Variants in PLXNB3 observed in about 807,000 individuals in gnomAD.
PLXNB3 encodes plexin-B3.
In PLXNB3, 80 loss-of-function variants were observed where a neutral mutation model predicts 125.7. The ratio of observed to expected loss-of-function variants is 0.64; its 90% CI spans 0.53 to 0.77. PLXNB3 has a LOEUF of 0.77. PLXNB3 is among the 30% of genes least tolerant of loss of function. The probability of loss-of-function intolerance (pLI) is 0.00; values close to 1 mark genes in which losing one functional copy is unlikely to be tolerated. For missense variants in PLXNB3, 1,836 were observed against 1,729.3 expected (o/e 1.06, Z -1.09); for synonymous variants, 954 against 783.3 (o/e 1.22, Z -3.64).
rs1396799485 is a variant in PLXNB3 at position 153,773,799 on chromosome X, T to C, written c.3280-60T>C. ...GGAGGAGGGTAGGCCGCCATGCCCCTAGCAGCGCACAGCAGAGCCCAGCTC... is the reference window on the plus strand; with the variant it reads ...GGAGGAGGGTAGGCCGCCATGCCCCCAGCAGCGCACAGCAGAGCCCAGCTC... On this transcript the variant is annotated intron_variant, in intron 19 of 35. Transcript: ENST00000361971. The C allele has an allele frequency of 1.2e-5, 14 of 1,201,691 alleles. No homozygotes were observed. The South Asian group carries it at 2.3e-4, about 20-fold the overall frequency.
In PLXNB3 at chrX:153,777,192, G is replaced by A; in HGVS notation, c.4928-16G>A. The A allele has an allele frequency of 8.8e-7, 1 of 1,130,930 alleles. No homozygotes were observed. The allele number at this position is 1,130,930 out of a possible 1,213,427, so 93.2% of individuals were successfully genotyped here. On this transcript the variant is annotated splice_polypyrimidine_tract_variant and intron_variant, in intron 29 of 35. Coordinates refer to ENST00000361971, the MANE Select transcript of PLXNB3 (RefSeq NM_005393.3). ...GCAGGGGGTATAGCCCTGAAGCCAG[G>A]CTCCTGTGCCCTCAGACATACCCAC...
At position 153,768,941 on chromosome X, in the gene PLXNB3, C is replaced by A. The variant is rs113180001; in HGVS notation, c.1267-7C>A. On this transcript the variant is annotated splice_region_variant and splice_polypyrimidine_tract_variant and intron_variant, in intron 4 of 35. Transcript: ENST00000361971. The stretch of plus-strand genomic sequence containing the variant: ...TGGCCCAGCCTCGTCCTTGTCCCCC[C>A]ACTCAGGTCTTTCTCCACGGCTCCC... 4.7e-5 allele frequency: 57 copies of A among 1,208,289 alleles called. No homozygotes were observed. The highest frequency in any genetic ancestry group is 5.4e-5 in the Non-Finnish European group (48 of 893,996).
In PLXNB3 at chrX:153,767,190, G is replaced by C. The variant is rs146474465; in HGVS notation, c.363G>C (p.Leu121=). 7.0e-5 allele frequency: 84 copies of C among 1,204,539 alleles called. No individual in the cohort carries two copies. The African/African-American group carries it at 1.3e-3, about 19-fold the overall frequency. Residue 121 remains leucine, a synonymous_variant, in exon 3 of 36, where the codon CTG becomes CTC. Transcript: ENST00000361971. ...CTGACAATGCCAACCAGCTGCTGCT[G>C]GTGAGCAGCCGCGCCCAGGAGCTGG... ...QLTDNANQLL[L]VSSRAQELVA...
Position 153,766,538 on chromosome X carries a change from C to A in PLXNB3, c.46-335C>A, listed in dbSNP as rs183207750. 1.0e-4 allele frequency: 102 copies of A among 1,019,342 alleles called. No homozygotes were observed. In the African/African-American group the frequency reaches 1.6e-3, roughly 16 times the overall value. 84.0% of individuals were successfully genotyped at this position (1,019,342 alleles called of 1,213,427 possible). Reference sequence around the variant, plus strand: ...CACAGTCCCTCTGTTAGCGCTCTTGCGGCTTTCCAGGACCTGCCCCCCTTC... The same window carrying A: ...CACAGTCCCTCTGTTAGCGCTCTTGAGGCTTTCCAGGACCTGCCCCCCTTC... On this transcript the variant is annotated intron_variant, in intron 2 of 35. Transcript: ENST00000361971.
At chrX:153,766,807 T>G in intron 2 of PLXNB3, 66 bp from the exon 3 acceptor site, 1 of 1,110,941 alleles carries the variant, frequency 9.0e-7, no homozygotes, top group Non-Finnish European at 1.2e-6. Flanking sequence ...CCACCCCACC[T>G]TCCACCTTCC....
chrX:153,773,794 G>A, intron 19 of PLXNB3, 65 bp from the exon 20 acceptor site: 1 of 1,200,703 alleles, frequency 8.3e-7, no homozygotes, highest in Admixed American at 2.2e-5. Flanking sequence ...AGGCCGCCAT[G>A]CCCCTAGCAG....
chrX:153,766,762 C>T, intron 2 of PLXNB3, 111 bp from the exon 3 acceptor site: 2 of 1,084,478 alleles, frequency 1.8e-6, no homozygotes, highest in South Asian at 2.3e-5. Flanking sequence ...TCTCTGCCTC[C>T]CTCCCTCCCT....
intron 1 of PLXNB3, 31 bp from the exon 2 acceptor site, chrX:153,765,440 G>A: frequency 9.3e-7 from 1 of 1,077,852 alleles, no homozygotes; most frequent in Non-Finnish European, 1.3e-6. Flanking sequence ...CTCGAATGGG[G>A]CTGAGCCTCG....
chrX:153,766,265 C>T, intron 2 of PLXNB3: 1 of 1,166,780 alleles, frequency 8.6e-7, no homozygotes, highest in South Asian at 1.9e-5. Context: ...CCCGCGGCTG[C>T]CTGGCTCTTT....
rs781787378 is a variant in PLXNB3 at position 153,774,496 on chromosome X, T to C, written c.3755T>C (p.Val1252Ala). The C allele has an allele frequency of 6.3e-5, 76 of 1,206,653 alleles. No individual in the cohort carries two copies. The East Asian group carries it at 2.0e-3, about 32-fold the overall frequency. Residue 1252 changes from valine (V) to alanine (A), a missense_variant, in exon 22 of 36, where the codon GTG becomes GCG. Physicochemically the swap from Val to Ala is moderately conservative, Grantham distance 64. Transcript: ENST00000361971. ...EAEPPLSAFP[V>A]EAQAGVGMGA... is the part of the protein sequence containing the mutation. The stretch of plus-strand genomic sequence containing the variant: ...GAACCCCCGCTGTCTGCCTTTCCCG[T>C]GGAGGCCCAGGCAGGCGTGGGCATG...
intron 35 of PLXNB3, 127 bp from the exon 36 acceptor site, chrX:153,778,808 C>T (rs2092024525): frequency 1.8e-6 from 2 of 1,111,067 alleles, no homozygotes; most frequent in Non-Finnish European, 2.4e-6. Flanking sequence ...ATTCTGATTC[C>T]CCAGGGAGAC....
intron 30 of PLXNB3, 27 bp downstream of exon 30, chrX:153,777,407 T>C: frequency 6.8e-6 from 8 of 1,183,495 alleles, no homozygotes; most frequent in Non-Finnish European, 9.1e-6. Context: ...TGGCTGGGCC[T>C]GAGAGGAGGC....
At position 153,767,547 on chromosome X, in the gene PLXNB3, C is replaced by A; in HGVS notation, c.720C>A (p.Asp240Glu). 5 of 1,171,755 alleles carry A rather than the reference C, an allele frequency of 4.3e-6. No homozygotes were observed. In the East Asian group the frequency reaches 1.2e-4, roughly 28 times the overall value. The change falls in exon 3 of 36, where the codon GAC becomes GAA. Residue 240 changes from aspartate to glutamate, a missense_variant. Asp to Glu is a conservative substitution (Grantham distance 45, BLOSUM62 2). Transcript: ENST00000361971. ...YNNSYVGAFA[D>E]ARSAYFVFRR... ...ACAGCTACGTCGGGGCCTTTGCCGA[C>A]GCCCGCTCCGCCTACTTCGTGTTCC... is the stretch of plus-strand genomic sequence containing the variant.
chrX:153,776,176 C>T lies in PLXNB3; in HGVS notation c.4691C>T (p.Pro1564Leu). The T allele has an allele frequency of 1.7e-6, 2 of 1,192,870 alleles. No individual in the cohort carries two copies. The highest frequency in any genetic ancestry group is 3.5e-5 in the African/African-American group (2 of 57,342). ...TTGGACCAAGTCTACAAGGGCACCC[C>T]CTTCTCCCAGAGGCCCTCAGTGCAT... ...KVLDQVYKGT[P>L]FSQRPSVHAL... The change falls in exon 27 of 36, where the codon CCC becomes CTC. Residue 1564 changes from proline to leucine, a missense_variant. Pro to Leu is a moderately conservative substitution (Grantham distance 98). Transcript: ENST00000361971.
At chrX:153,777,922 C>A in intron 31 of PLXNB3, 26 bp from the exon 32 acceptor site, 1 of 1,189,782 alleles carries the variant, frequency 8.4e-7, no homozygotes, top group East Asian at 3.0e-5. Context: ...CAGGGCCTCA[C>A]GCCCACGCCT....
At chrX:153,775,555 C>G in intron 25 of PLXNB3, 39 bp from the exon 26 acceptor site, 1 of 1,188,882 alleles carries the variant, frequency 8.4e-7, no homozygotes, top group Non-Finnish European at 1.1e-6. Context: ...AGCAGGGACA[C>G]AGGCACAAAG....
rs2091942001 is a variant in PLXNB3 at position 153,772,435 on chromosome X, G to A, written c.2775+148G>A. On this transcript the variant is annotated intron_variant, in intron 16 of 35. Coordinates refer to ENST00000361971, the MANE Select transcript of PLXNB3 (RefSeq NM_005393.3). ...AGGAGGGAAGCCATGGCATGTGAGT[G>A]GAGGTGGGCAGCCAGGCCAGTCTGA... 6.0e-6 allele frequency: 3 copies of A among 501,959 alleles called. No individual in the cohort carries two copies. In the African/African-American group the frequency reaches 7.2e-5, roughly 12 times the overall value. 41.4% of individuals were successfully genotyped at this position (501,959 alleles called of 1,213,427 possible).
rs782685997 is a variant in PLXNB3 at position 153,778,959 on chromosome X, C to T, written c.5650C>T (p.Pro1884Ser). The T allele has an allele frequency of 1.7e-6, 2 of 1,191,447 alleles. No individual in the cohort carries two copies. Among genetic ancestry groups the T allele is most frequent in the African/African-American group, 1.7e-5 (1 of 57,496 alleles). Residue 1884 changes from proline to serine, a missense_variant, in exon 36 of 36, where the codon CCT (proline) becomes TCT (serine). Pro to Ser is a moderately conservative substitution (Grantham distance 74, BLOSUM62 -1). Transcript: ENST00000361971. ...GATTATCAGTGCCCTGGAGGAGGAC[C>T]CTGTGGGCCAGAAGCTGCAGCTGGC... ...DQIISALEED[P>S]VGQKLQLACR...
chrX:153,770,039 T>G (rs944538489), intron 7 of PLXNB3, 53 bp from the exon 8 acceptor site: 9 of 1,198,963 alleles, frequency 7.5e-6, no homozygotes, highest in Admixed American at 2.2e-5. Flanking sequence ...CCATGGCCTC[T>G]GCTGCCCCCT....
Sources: allele counts gnomAD v4.1 joint callset, GRCh38; gene constraint gnomAD v4.1.1; transcripts MANE v1.5; gene names NCBI Gene and HGNC (gene_info 2026-07-23, HGNC 2026-07-21).